GPR141: variants seen among roughly 807,000 people sequenced by gnomAD.
The protein encoded by GPR141 is probable G protein-coupled receptor 141.
Under a neutral mutation model 6.8 loss-of-function variants are expected in GPR141, and 6 were observed. The observed-to-expected ratio is 0.88, with a 90% CI of 0.48 to 1.74. The LOEUF is 1.74. Ranked by LOEUF, GPR141 falls within the 40% of genes most tolerant of loss-of-function variation. The pLI is 0.01. For synonymous variants in GPR141, 140 were observed against 142.3 expected, an observed-to-expected ratio of 0.98 and a Z score of 0.11; for missense variants, 372 against 372.9, an observed-to-expected ratio of 1.00 and a Z score of 0.02.
chr7:37,691,288 C>CTT (rs1562764892), intron 2 of GPR141, among the ~76,000 whole-genome samples: 2 of 63,088 alleles, frequency 3.2e-5, no homozygotes, highest in African/African-American at 1.6e-4. Flanking sequence ...AGTCTATATC[C>CTT]TTTTTTTTTT....
intron 2 of GPR141, among the ~76,000 whole-genome samples, chr7:37,694,592 G>A (rs1809932139): frequency 6.6e-6 from 1 of 152,230 alleles, no homozygotes; most frequent in African/African-American, 2.4e-5. Flanking sequence ...AGTTTATAAA[G>A]AAGATTGGTT....
intron 2 of GPR141, among the ~76,000 whole-genome samples, chr7:37,715,130 T>C (rs1446914741): frequency 1.3e-5 from 2 of 152,202 alleles, no homozygotes; most frequent in Non-Finnish European, 2.9e-5. Flanking sequence ...CTTATTTGAT[T>C]GTGTTTTAGA....
chr7:37,737,417 C>G (rs1160508043), intron 2 of GPR141, among the ~76,000 whole-genome samples: 1 of 152,108 alleles, frequency 6.6e-6, no homozygotes, highest in Admixed American at 6.5e-5. Flanking sequence ...GATTCTATTA[C>G]AGCAGTCCCA....
intron 2 of GPR141, among the ~76,000 whole-genome samples, chr7:37,703,174 C>A (rs1810369800): frequency 6.6e-6 from 1 of 152,136 alleles, no homozygotes; most frequent in Non-Finnish European, 1.5e-5. Flanking sequence ...TATTTTCACT[C>A]ATTTTTTTAA....
intron 2 of GPR141, among the ~76,000 whole-genome samples, chr7:37,737,419 G>C (rs2131860162): frequency 6.6e-6 from 1 of 152,196 alleles, no homozygotes; most frequent in Non-Finnish European, 1.5e-5. Flanking sequence ...TTCTATTACA[G>C]CAGTCCCAGA....
intron 2 of GPR141, among the ~76,000 whole-genome samples, chr7:37,691,248 T>C (rs1210179150): frequency 8.1e-5 from 4 of 49,488 alleles, no homozygotes; most frequent in Non-Finnish European, 1.5e-4. Context: ...GTTGGGTCCT[T>C]TTTTTTTTTT....
chr7:37,740,623 T>C lies in GPR141; in HGVS notation c.230T>C (p.Ile77Thr). The change falls in exon 3 of 3, where the codon ATC becomes ACC. Residue 77 changes from isoleucine (I) to threonine (T), a missense_variant. Ile to Thr is a moderately conservative substitution (Grantham distance 89). Transcript: ENST00000334425. ...LTVPFRLTYL[I>T]KKTWMFGLPF... Reference sequence around the variant, plus strand: ...GTGCCATTTCGCTTGACCTACCTCATCAAGAAGACTTGGATGTTTGGGCTG... The same window carrying C: ...GTGCCATTTCGCTTGACCTACCTCACCAAGAAGACTTGGATGTTTGGGCTG... 6.2e-7 allele frequency: 1 copy of C among 1,614,120 alleles called. No individual in the cohort carries two copies.
At chr7:37,724,697 G>A (rs539190883) in intron 2 of GPR141, among the ~76,000 whole-genome samples, 21 of 152,240 alleles carry the variant, frequency 1.4e-4, no homozygotes, top group South Asian at 4.1e-4. Context: ...ACTATAATTC[G>A]TTCTAAGGAG....
intron 2 of GPR141, among the ~76,000 whole-genome samples, chr7:37,711,866 G>A (rs6974976): frequency 0.041 from 6,218 of 152,218 alleles, 438 homozygotes; most frequent in African/African-American, 0.14. Flanking sequence ...ACACTGATTC[G>A]CTCGAGTAAC....
chr7:37,710,891 G>A (rs754612020), intron 2 of GPR141, among the ~76,000 whole-genome samples: 1 of 152,114 alleles, frequency 6.6e-6, no homozygotes, highest in African/African-American at 2.4e-5. Context: ...TAAATACTCA[G>A]TGTGATTACT....
In GPR141 at chr7:37,740,836, T is replaced by A. The variant is rs965201686; in HGVS notation, c.443T>A (p.Val148Glu). 5 of 1,614,168 alleles carry A rather than the reference T, an allele frequency of 3.1e-6. No individual in the cohort carries two copies. Among genetic ancestry groups the A allele is most frequent in the Non-Finnish European group, 8.5e-7 (1 of 1,179,986 alleles). ...TGGACGCTGGTGATTGTCATTGTGGTACCCCTGGTTGTCTCCCGGTATGGA... is the reference window on the plus strand; with the variant it reads ...TGGACGCTGGTGATTGTCATTGTGGAACCCCTGGTTGTCTCCCGGTATGGA... ...GMWTLVIVIV[V>E]PLVVSRYGIH... Residue 148 changes from valine (V) to glutamate (E), a missense_variant, in exon 3 of 3, where the codon GTA (valine) becomes GAA (glutamate). Transcript: ENST00000334425.
chr7:37,723,012 A>G (rs915384484), intron 2 of GPR141, among the ~76,000 whole-genome samples: 1 of 122,384 alleles, frequency 8.2e-6, no homozygotes, highest in African/African-American at 3.2e-5. Flanking sequence ...TTTTTGACAG[A>G]GTCTCAGTCT....
intron 2 of GPR141, among the ~76,000 whole-genome samples, chr7:37,736,207 G>A (rs1018990914): frequency 2.6e-5 from 4 of 151,848 alleles, no homozygotes; most frequent in Non-Finnish European, 5.9e-5. Flanking sequence ...AGCCAAGATC[G>A]TGCCATTGCA....
At position 37,742,694 on chromosome 7, in the gene GPR141, T is replaced by A. The variant is rs1217627163; in HGVS notation, c.*1383T>A. On this transcript the variant is annotated 3_prime_UTR_variant, in exon 3 of 3. Coordinates refer to ENST00000334425, the MANE Select transcript of GPR141 (RefSeq NM_001381946.1). ...TATTTGAAGAGTGGATAAATAAATG[T>A]CCCCCAAAGCAATAAAATCATAATC... is the stretch of plus-strand genomic sequence containing the variant. 6.6e-6 allele frequency among the ~76,000 whole-genome samples: 1 copy of A among 152,122 alleles called. No homozygotes were observed. The highest frequency in any genetic ancestry group is 1.9e-4 in the East Asian group (1 of 5,176).
intron 2 of GPR141, among the ~76,000 whole-genome samples, chr7:37,687,143 C>T (rs1265956623): frequency 2.6e-5 from 4 of 152,098 alleles, no homozygotes; most frequent in Admixed American, 6.5e-5. Flanking sequence ...AGTCGGAGCA[C>T]TGTTTCCTGG....
intron 2 of GPR141, among the ~76,000 whole-genome samples, chr7:37,708,735 C>T (rs1457194956): frequency 6.6e-6 from 1 of 152,044 alleles, no homozygotes; most frequent in Non-Finnish European, 1.5e-5. Flanking sequence ...TGTAGAAGAG[C>T]AATAAGGTAT....
intron 2 of GPR141, among the ~76,000 whole-genome samples, chr7:37,732,763 C>T (rs1812031780): frequency 6.6e-6 from 1 of 152,162 alleles, no homozygotes; most frequent in African/African-American, 2.4e-5. Flanking sequence ...CAGAGCAGGA[C>T]TCTTTATAAG....
At chr7:37,736,512 C>G (rs964735669) in intron 2 of GPR141, among the ~76,000 whole-genome samples, 1 of 148,178 alleles carries the variant, frequency 6.7e-6, no homozygotes, top group Non-Finnish European at 1.5e-5. Flanking sequence ...AAAAAAACAC[C>G]CAGGCAAAAG....
chr7:37,735,988 AT>A lies in GPR141; in HGVS notation c.-14-4391del, dbSNP rs563412476. Among the ~76,000 whole-genome samples, 169 of 152,254 alleles carry A rather than the reference AT, an allele frequency of 1.1e-3. No individual in the cohort carries two copies. In the Middle Eastern group the frequency reaches 0.014, roughly 12 times the overall value. On this transcript the variant is annotated intron_variant, in intron 2 of 2. Coordinates refer to ENST00000334425, the MANE Select transcript of GPR141 (RefSeq NM_001381946.1). ...CAAGAATATATCCAGGCCGGGCATGATAGCTCACACCTGTAATCCCAGCACT... is the reference window on the plus strand; with the variant it reads ...CAAGAATATATCCAGGCCGGGCATGAAGCTCACACCTGTAATCCCAGCACT...
Sources: allele counts gnomAD v4.1 joint callset (sites outside exome capture counted in the v4.1 genomes callset), GRCh38; gene constraint gnomAD v4.1.1; transcripts MANE v1.5; gene names NCBI Gene and HGNC (gene_info 2026-07-23, HGNC 2026-07-21).